IMMP2L: variants seen among roughly 807,000 people sequenced by gnomAD.
IMMP2L encodes mitochondrial inner membrane protease subunit 2.
Under a neutral mutation model 19.3 loss-of-function variants are expected in IMMP2L, and 18 were observed. The observed-to-expected ratio is 0.93, with a 90% CI of 0.64 to 1.38. IMMP2L has a LOEUF of 1.38. Among genes scored for constraint, IMMP2L ranks in the 40% most tolerant of loss-of-function variants. The pLI is 0.00. For synonymous variants in IMMP2L, 76 were observed against 73.0 expected (o/e 1.04, Z -0.21); for missense variants, 233 against 218.2 (o/e 1.07, Z -0.43).
chr7:110,844,291 G>A (rs1805416311), intron 5 of IMMP2L, among the ~76,000 whole-genome samples: 1 of 152,056 alleles, frequency 6.6e-6, no homozygotes, highest in Non-Finnish European at 1.5e-5. Flanking sequence ...ACAGGTAAAT[G>A]TGTATTTAGA....
chr7:110,795,913 T>C (rs1489157870), intron 5 of IMMP2L, among the ~76,000 whole-genome samples: 2 of 152,090 alleles, frequency 1.3e-5, no homozygotes, highest in African/African-American at 2.4e-5. Flanking sequence ...GGTTTGGCTG[T>C]GTCCCCACCC....
At chr7:110,810,394 G>A (rs10234142) in intron 5 of IMMP2L, among the ~76,000 whole-genome samples, 1 of 152,028 alleles carries the variant, frequency 6.6e-6, no homozygotes, top group Non-Finnish European at 1.5e-5. Flanking sequence ...TGCTAAAGGA[G>A]CTATTATGTT....
chr7:110,940,933 T>C (rs1404072980), intron 4 of IMMP2L, among the ~76,000 whole-genome samples: 1 of 152,176 alleles, frequency 6.6e-6, no homozygotes, highest in Non-Finnish European at 1.5e-5. Context: ...TGCTTGCTGA[T>C]AGTGTGCTGC....
chr7:110,739,291 C>T (rs1030996166), intron 5 of IMMP2L, among the ~76,000 whole-genome samples: 1 of 152,030 alleles, frequency 6.6e-6, no homozygotes, highest in Non-Finnish European at 1.5e-5. Flanking sequence ...AAGAATTCAC[C>T]AACCAAGTTT....
chr7:110,948,876 T>C lies in IMMP2L; in HGVS notation c.305+14624A>G, dbSNP rs572470393. Among the ~76,000 whole-genome samples the C allele has an allele frequency of 1.1e-3, 168 of 152,288 alleles. 1 individual carries two copies. Among genetic ancestry groups the C allele is most frequent in the Middle Eastern group, 0.01 (3 of 294 alleles). On this transcript the variant is annotated intron_variant, in intron 4 of 5. Coordinates refer to ENST00000405709, the MANE Select transcript of IMMP2L (RefSeq NM_032549.4). ...GGCATCATCCAATGAGCTGGGGGCT[T>C]GGATGTAACACAAATGCAATTTCCT...
In IMMP2L at chr7:111,122,789, T is replaced by C. The variant is rs143419752; in HGVS notation, c.240-159224A>G. 1.1e-5 allele frequency: 17 copies of C among 1,612,654 alleles called. No homozygotes were observed. The African/African-American group carries it at 1.9e-4, about 18-fold the overall frequency. On this transcript the variant is annotated intron_variant, in intron 3 of 5. Transcript: ENST00000405709. ...AAAGCTAAGATGAAGGACATGCCAC[T>C]CCGAATTCATGTGCTACTTGGCCTA...
At position 111,071,245 on chromosome 7, in the gene IMMP2L, T is replaced by A. The variant is rs1258663582; in HGVS notation, c.240-107680A>T. On this transcript the variant is annotated intron_variant, in intron 3 of 5. Transcript: ENST00000405709. Reference sequence around the variant, plus strand: ...AAAAACAAAAAATAAAGACTACTGGTAAGAAAGTGGAGAAGAAATGTAACC... The same window carrying A: ...AAAAACAAAAAATAAAGACTACTGGAAAGAAAGTGGAGAAGAAATGTAACC... 4.6e-5 allele frequency among the ~76,000 whole-genome samples: 7 copies of A among 152,040 alleles called. No homozygotes were observed. The East Asian group carries it at 1.3e-3, about 29-fold the overall frequency.
chr7:110,829,392 G>T (rs1803769201), intron 5 of IMMP2L, among the ~76,000 whole-genome samples: 1 of 152,116 alleles, frequency 6.6e-6, no homozygotes, highest in African/African-American at 2.4e-5. Context: ...CTAGCATTTT[G>T]CTTTAGCTGT....
intron 3 of IMMP2L, among the ~76,000 whole-genome samples, chr7:111,471,479 C>G (rs1841265271): frequency 6.6e-6 from 1 of 152,036 alleles, no homozygotes; most frequent in Non-Finnish European, 1.5e-5. Context: ...GGTTACTGAA[C>G]ACTTGAAATG....
At chr7:111,216,946 A>T (rs1811988153) in intron 3 of IMMP2L, among the ~76,000 whole-genome samples, 1 of 152,118 alleles carries the variant, frequency 6.6e-6, no homozygotes, top group Non-Finnish European at 1.5e-5. Context: ...TATCAAATGC[A>T]TGCAAGTGAT....
chr7:110,946,135 T>TA (rs1170352250), intron 4 of IMMP2L, among the ~76,000 whole-genome samples: 1 of 152,162 alleles, frequency 6.6e-6, no homozygotes, highest in Non-Finnish European at 1.5e-5. Flanking sequence ...GAGTGCCTGT[T>TA]AAAACCTAGA....
At chr7:111,445,349 CT>C (rs939497432) in intron 3 of IMMP2L, among the ~76,000 whole-genome samples, 1 of 151,986 alleles carries the variant, frequency 6.6e-6, no homozygotes, top group Non-Finnish European at 1.5e-5. Context: ...ATCTTACCAT[CT>C]TTACTCCTTC....
intron 4 of IMMP2L, among the ~76,000 whole-genome samples, chr7:110,940,084 C>T (rs1049173140): frequency 2.0e-5 from 3 of 151,696 alleles, no homozygotes; most frequent in African/African-American, 7.3e-5. Flanking sequence ...TTTGGGAGGC[C>T]GAGGTGGGAG....
chr7:111,505,728 C>A (rs975639917), intron 2 of IMMP2L, among the ~76,000 whole-genome samples: 1 of 151,940 alleles, frequency 6.6e-6, no homozygotes, highest in Non-Finnish European at 1.5e-5. Context: ...GAACAAAAAA[C>A]CAAACACCAC....
At chr7:110,733,214 G>C (rs1796390502) in intron 5 of IMMP2L, among the ~76,000 whole-genome samples, 2 of 152,174 alleles carry the variant, frequency 1.3e-5, no homozygotes, top group Admixed American at 1.3e-4. Context: ...CTACAGGGTT[G>C]TCAGGGACTG....
intron 3 of IMMP2L, among the ~76,000 whole-genome samples, chr7:111,366,637 G>A (rs2131049604): frequency 6.6e-6 from 1 of 151,990 alleles, no homozygotes; most frequent in East Asian, 1.9e-4. Context: ...ATATTATACT[G>A]TGATTATATA....
chr7:110,901,505 G>A (rs1358547998), intron 4 of IMMP2L, among the ~76,000 whole-genome samples: 1 of 152,094 alleles, frequency 6.6e-6, no homozygotes, highest in Non-Finnish European at 1.5e-5. Context: ...GGCTTGGAGA[G>A]GTTAGTTTGT....
intron 3 of IMMP2L, among the ~76,000 whole-genome samples, chr7:111,277,321 C>T (rs1452086483): frequency 6.6e-6 from 1 of 151,700 alleles, no homozygotes; most frequent in Non-Finnish European, 1.5e-5. Context: ...GTACAAGCAG[C>T]CAACAAACAC....
At position 111,554,491 on chromosome 7, in the gene IMMP2L, C is replaced by T. The variant is rs185636165; in HGVS notation, c.-3+7360G>A. Among the ~76,000 whole-genome samples, 334 of 152,216 alleles carry T rather than the reference C, an allele frequency of 2.2e-3. 2 individuals carry two copies. The highest frequency in any genetic ancestry group is 7.6e-3 in the African/African-American group (316 of 41,530). Reference sequence around the variant, plus strand: ...CACCATGCCATATCTCAAGCTATAGCTCAGGTATCACCTTTTGTGAGACCT... The same window carrying T: ...CACCATGCCATATCTCAAGCTATAGTTCAGGTATCACCTTTTGTGAGACCT... On this transcript the variant is annotated intron_variant, in intron 1 of 5. Transcript: ENST00000405709.
Sources: allele counts gnomAD v4.1 joint callset (sites outside exome capture counted in the v4.1 genomes callset), GRCh38; gene constraint gnomAD v4.1.1; transcripts MANE v1.5; gene names NCBI Gene and HGNC (gene_info 2026-07-23, HGNC 2026-07-21).